IAH1: variants seen among roughly 807,000 people sequenced by gnomAD.
IAH1 encodes isoamyl acetate-hydrolyzing esterase 1 homolog.
A neutral mutation model predicts 26.7 loss-of-function variants in IAH1; 24 were observed. The ratio of observed to expected loss-of-function variants is 0.90; its 90% confidence interval spans 0.65 to 1.26. The LOEUF is 1.26. IAH1 is among the 50% of genes most tolerant of loss of function. IAH1 has a pLI of 0.00. For synonymous variants in IAH1, 140 were observed against 118.5 expected (o/e 1.18, Z -1.18); for missense variants, 300 against 299.9 (o/e 1.00, Z 0.00).
chr2:9,486,286 G>C (rs1661473145), intron 5 of IAH1: 1 of 152,158 alleles, frequency 6.6e-6, no homozygotes, highest in Non-Finnish European at 1.5e-5. Flanking sequence ...GAACCTTCCA[G>C]AATTCCAGAT....
Position 9,474,613 on chromosome 2 carries a change from C to G in IAH1, c.47C>G (p.Pro16Arg). The G allele has an allele frequency of 6.4e-7, 1 of 1,555,794 alleles. No individual in the cohort carries two copies. Among genetic ancestry groups the G allele is most frequent in the Non-Finnish European group, 8.7e-7 (1 of 1,155,248 alleles). Residue 16 changes from proline to arginine, a missense_variant, in exon 1 of 6, where the codon CCT becomes CGT. Coordinates refer to ENST00000497473, the MANE Select transcript of IAH1 (RefSeq NM_001039613.3). The surrounding 1 kb of genome is among the most constrained non-coding windows in gnomAD (Gnocchi z 4.3). ...GGCTGCGGGAGTGCCCTGCTCTGGCCTCGCTTGTTGCTCTTCGGGGACTCC... is the reference window on the plus strand; with the variant it reads ...GGCTGCGGGAGTGCCCTGCTCTGGCGTCGCTTGTTGCTCTTCGGGGACTCC... ...AAGCGSALLW[P>R]RLLLFGDSIT...
At chr2:9,477,767 T>C (rs1660906443) in intron 2 of IAH1, among the ~76,000 whole-genome samples, 1 of 151,984 alleles carries the variant, frequency 6.6e-6, no homozygotes, top group African/African-American at 2.4e-5. Context: ...ACACAACGAA[T>C]GTATTTACTA....
At chr2:9,498,725 G>A (rs918591872), downstream of IAH1, among the ~76,000 whole-genome samples, 4 of 152,172 alleles carry the variant, frequency 2.6e-5, no homozygotes, top group Non-Finnish European at 4.4e-5. Context: ...AACTATTACT[G>A]AAAGTATGAT....
downstream of IAH1, chr2:9,497,280 A>C (rs1380065033): frequency 6.2e-7 from 1 of 1,612,580 alleles, no homozygotes; most frequent in African/African-American, 1.3e-5. Context: ...AACAAAAAGA[A>C]TGAGTCACAG....
At chr2:9,475,281 T>C in intron 1 of IAH1, 2 of 1,107,568 alleles carry the variant, frequency 1.8e-6, no homozygotes, top group Non-Finnish European at 2.4e-6. Context: ...CAGACAGGAC[T>C]TGCTTCACCA....
chr2:9,483,578 C>T (rs1280588987), intron 4 of IAH1, among the ~76,000 whole-genome samples: 2 of 152,126 alleles, frequency 1.3e-5, no homozygotes, highest in African/African-American at 4.8e-5. Context: ...TGCCCATATC[C>T]TCATGCTTTC....
At chr2:9,482,136 A>G (rs1385761710) in intron 4 of IAH1, among the ~76,000 whole-genome samples, 3 of 151,464 alleles carry the variant, frequency 2.0e-5, no homozygotes, top group Middle Eastern at 3.4e-3. Flanking sequence ...GGCTCAAGCA[A>G]TTCTGCCTCA....
At chr2:9,506,144 G>A in the IAH1 span, among the ~76,000 whole-genome samples, 2 of 152,000 alleles carry the variant, frequency 1.3e-5, no homozygotes, top group Non-Finnish European at 2.9e-5. Context: ...TACTTCTTAG[G>A]TCGGGGTCTC....
At chr2:9,477,502 C>A (rs1337760925) in intron 2 of IAH1, among the ~76,000 whole-genome samples, 2 of 152,024 alleles carry the variant, frequency 1.3e-5, no homozygotes, top group East Asian at 3.9e-4. Context: ...AAAAAAGAGT[C>A]CCTCTTATGT....
At chr2:9,478,790 A>G (rs935847205) in intron 3 of IAH1, among the ~76,000 whole-genome samples, 16 of 152,190 alleles carry the variant, frequency 1.1e-4, no homozygotes, top group African/African-American at 3.6e-4. Flanking sequence ...ATCCTGGGCA[A>G]TGGTGAACGT....
intron 3 of IAH1, among the ~76,000 whole-genome samples, chr2:9,480,310 C>T (rs1399910290): frequency 3.9e-5 from 6 of 152,102 alleles, no homozygotes; most frequent in Non-Finnish European, 7.4e-5. Context: ...TGAGACCAGC[C>T]TGGGCAACAG....
chr2:9,509,414 A>G, the IAH1 span, among the ~76,000 whole-genome samples: 3 of 152,208 alleles, frequency 2.0e-5, no homozygotes, highest in African/African-American at 4.8e-5. Flanking sequence ...AGAAACCCCC[A>G]ATAGTAAATG....
chr2:9,510,777 A>G, the IAH1 span, among the ~76,000 whole-genome samples: 3 of 152,160 alleles, frequency 2.0e-5, no homozygotes, highest in African/African-American at 7.2e-5. Context: ...GGCTACAGTG[A>G]TCTATGATCA....
downstream of IAH1, among the ~76,000 whole-genome samples, chr2:9,494,058 A>G (rs1268581953): frequency 2.0e-5 from 3 of 152,202 alleles, no homozygotes; most frequent in Non-Finnish European, 4.4e-5. Flanking sequence ...TTACCAGGAG[A>G]CAAAAATCAA....
At chr2:9,495,748 A>C (rs73149892) in intron 6 of IAH1, among the ~76,000 whole-genome samples, 9,687 of 151,830 alleles carry the variant, frequency 0.064, 1,098 homozygotes, top group African/African-American at 0.22. Flanking sequence ...TCATTCACTA[A>C]TTTATAAAAT....
intron 2 of IAH1, among the ~76,000 whole-genome samples, chr2:9,477,242 G>T (rs1169763996): frequency 6.6e-6 from 1 of 152,094 alleles, no homozygotes; most frequent in Non-Finnish European, 1.5e-5. Flanking sequence ...GCTGCCTGAC[G>T]CTGTGGCCTG....
chr2:9,479,203 T>C (rs1018616377), intron 3 of IAH1, among the ~76,000 whole-genome samples: 1 of 152,156 alleles, frequency 6.6e-6, no homozygotes, highest in African/African-American at 2.4e-5. Context: ...TTCTATCTTG[T>C]ACCAAAAACC....
At chr2:9,502,408 A>C in the IAH1 span, 2 of 692,762 alleles carry the variant, frequency 2.9e-6, no homozygotes, top group East Asian at 2.6e-5. Flanking sequence ...CCACTCCTAC[A>C]TCATCAGACA....
In IAH1 at chr2:9,481,271, G is replaced by A. The variant is rs1229813848; in HGVS notation, c.284-15G>A. ...AAATATGCATCTGGTGAGGACTCAT[G>A]TTTCTCTTGAGCAGATGAGAATCCC... is the stretch of plus-strand genomic sequence containing the variant. On this transcript the variant is annotated splice_polypyrimidine_tract_variant and intron_variant, in intron 3 of 5. Transcript: ENST00000497473. 6.2e-7 allele frequency: 1 copy of A among 1,613,644 alleles called. No individual in the cohort carries two copies. Among genetic ancestry groups the A allele is most frequent in the Non-Finnish European group, 8.5e-7 (1 of 1,179,688 alleles).
Sources: allele counts gnomAD v4.1 joint callset (sites outside exome capture counted in the v4.1 genomes callset), GRCh38; gene constraint gnomAD v4.1.1; non-coding constraint Gnocchi (gnomAD v3.1); transcripts MANE v1.5; gene names NCBI Gene and HGNC (gene_info 2026-07-23, HGNC 2026-07-21).